KYNU: variants seen among roughly 807,000 people sequenced by gnomAD.
KYNU encodes kynureninase, also known as L-kynurenine hydrolase.
In KYNU, 54 loss-of-function variants were observed where a neutral mutation model predicts 59.2. That is an observed-to-expected ratio of 0.91 (90% CI 0.73 to 1.14). The LOEUF (loss-of-function observed/expected upper bound fraction) is 1.14, where lower values mean the gene tolerates loss of function less well. Ranked by LOEUF, KYNU falls within the 50% of genes most tolerant of loss-of-function variation. The pLI, the probability that KYNU is intolerant of heterozygous loss-of-function variation, is 0.00. For missense variants in KYNU, 567 were observed against 554.4 expected (o/e 1.02, Z -0.23); for synonymous variants, 177 against 192.0 (o/e 0.92, Z 0.65).
intron 2 of KYNU, among the ~76,000 whole-genome samples, chr2:142,902,513 C>T (rs1393009311): frequency 1.3e-5 from 2 of 152,106 alleles, no homozygotes; most frequent in Non-Finnish European, 2.9e-5. Context: ...GCCTGTTATG[C>T]CAAGGAACCT....
chr2:142,970,434 A>G (rs935676158), intron 8 of KYNU, among the ~76,000 whole-genome samples: 8 of 152,208 alleles, frequency 5.3e-5, no homozygotes, highest in African/African-American at 1.9e-4. Context: ...TAGGCCATTC[A>G]TGTTGACACA....
At chr2:142,899,150 G>A (rs6756023) in intron 2 of KYNU, among the ~76,000 whole-genome samples, 82,225 of 151,876 alleles carry the variant, frequency 0.54, 22,934 homozygotes, top group South Asian at 0.69. Flanking sequence ...TAACAAACAC[G>A]GACCAGAAGA....
chr2:143,020,584 A>C (rs1686376111), intron 10 of KYNU, among the ~76,000 whole-genome samples: 1 of 152,196 alleles, frequency 6.6e-6, no homozygotes, highest in Admixed American at 6.5e-5. Flanking sequence ...AGTGCTGATG[A>C]GAAATATGTG....
In KYNU at chr2:142,917,000, C is replaced by T. The variant is rs188810005; in HGVS notation, c.170-1609C>T. On this transcript the variant is annotated intron_variant, in intron 2 of 13. Transcript: ENST00000264170. ...AAAATGTATGCCCTAATTGGCAATA[C>T]CTACTTTAAAGAAAAATGTAATAAT... Among the ~76,000 whole-genome samples the T allele has an allele frequency of 1.5e-3, 224 of 152,198 alleles. 1 individual carries two copies. Among genetic ancestry groups the T allele is most frequent in the Admixed American group, 5.6e-3 (86 of 15,278 alleles).
intron 2 of KYNU, among the ~76,000 whole-genome samples, chr2:142,901,902 G>T (rs1048981570): frequency 6.6e-6 from 1 of 152,274 alleles, no homozygotes; most frequent in South Asian, 2.1e-4. Context: ...AAGGTCCCTC[G>T]AGTGGTATAG....
intron 8 of KYNU, among the ~76,000 whole-genome samples, chr2:142,967,072 A>G (rs1018307287): frequency 4.6e-5 from 7 of 152,130 alleles, no homozygotes; most frequent in Non-Finnish European, 8.8e-5. Flanking sequence ...ACTTACAAAA[A>G]TTTTAATAGT....
intron 8 of KYNU, among the ~76,000 whole-genome samples, chr2:142,969,592 A>G (rs1318937401): frequency 2.6e-5 from 4 of 152,212 alleles, no homozygotes; most frequent in Non-Finnish European, 5.9e-5. Flanking sequence ...TAAGCTTTTG[A>G]TTAAATAGAC....
chr2:143,042,027 G>T lies in KYNU; in HGVS notation c.1273-20G>T, dbSNP rs371502172. ...TGTGAATAATGCTAACATTATTGTG[G>T]CTTTATTTTTTCCCCACAGTGTGAC... is the stretch of plus-strand genomic sequence containing the variant. On this transcript the variant is annotated intron_variant, in intron 13 of 13. Transcript: ENST00000264170. 8.7e-6 allele frequency: 14 copies of T among 1,610,280 alleles called. No homozygotes were observed. In the African/African-American group the frequency reaches 1.6e-4, roughly 18 times the overall value.
rs538109504 is a variant in KYNU, at chr2:143,046,593, A to G, written c.*4421A>G. On this transcript the variant is annotated 3_prime_UTR_variant, in exon 14 of 14. Transcript: ENST00000264170. Reference sequence around the variant, plus strand: ...AGATATGTAGATATATGAAAGCAATATATATATGGATGTCTTTCTGGGCTA... The same window carrying G: ...AGATATGTAGATATATGAAAGCAATGTATATATGGATGTCTTTCTGGGCTA... 1.4e-5 allele frequency: 2 copies of G among 141,856 alleles called. No individual in the cohort carries two copies. The highest frequency in any genetic ancestry group is 2.2e-4 in the South Asian group (1 of 4,476). 8.8% of individuals were successfully genotyped at this position (141,856 alleles called of 1,614,324 possible). A position where few individuals can be genotyped will look rare whatever the true frequency, so the allele number is the denominator to read the frequency against.
chr2:142,968,068 T>TG (rs1371978276), intron 8 of KYNU, among the ~76,000 whole-genome samples: 1 of 152,220 alleles, frequency 6.6e-6, no homozygotes, highest in Non-Finnish European at 1.5e-5. Context: ...CTATTGTCAC[T>TG]GGCCATTCAC....
At chr2:142,908,596 G>A (rs555432949) in intron 2 of KYNU, among the ~76,000 whole-genome samples, 1 of 152,046 alleles carries the variant, frequency 6.6e-6, no homozygotes, top group Non-Finnish European at 1.5e-5. Flanking sequence ...AGCTCCTGAT[G>A]TGATAGACCA....
chr2:143,033,281 C>T lies in KYNU; in HGVS notation c.1001C>T (p.Pro334Leu). The change falls in exon 12 of 14, where the codon CCT becomes CTT. Residue 334 changes from proline to leucine, a missense_variant. Transcript: ENST00000264170. ...GTCTGTGGATTCCGAATTTCAAATC[C>T]TCCCATTTTGTTGGTCTGTTCCTTG... ...PGVCGFRISN[P>L]PILLVCSLHA... is the part of the protein sequence containing the mutation. 6.2e-7 allele frequency: 1 copy of T among 1,613,828 alleles called. No homozygotes were observed. The highest frequency in any genetic ancestry group is 8.5e-7 in the Non-Finnish European group (1 of 1,179,744).
At chr2:143,006,746 C>G (rs1293534076) in intron 10 of KYNU, among the ~76,000 whole-genome samples, 1 of 151,698 alleles carries the variant, frequency 6.6e-6, no homozygotes, top group East Asian at 1.9e-4. Context: ...GGGTTCCTGA[C>G]CCCTGACCCC....
chr2:143,042,235 A>G lies in KYNU; in HGVS notation c.*63A>G. ...AAGCTGCTGTGGTTATTTCAGTATTATTCGATTTTTAATTATTGAAAGTAT... is the reference window on the plus strand; with the variant it reads ...AAGCTGCTGTGGTTATTTCAGTATTGTTCGATTTTTAATTATTGAAAGTAT... On this transcript the variant is annotated 3_prime_UTR_variant, in exon 14 of 14. Transcript: ENST00000264170. The G allele has an allele frequency of 1.3e-6, 2 of 1,501,690 alleles. No individual in the cohort carries two copies. The highest frequency in any genetic ancestry group is 1.8e-6 in the Non-Finnish European group (2 of 1,090,378). 93.0% of individuals were successfully genotyped at this position (1,501,690 alleles called of 1,614,324 possible).
chr2:142,942,278 G>A (rs1025696797), intron 4 of KYNU, among the ~76,000 whole-genome samples: 8 of 151,760 alleles, frequency 5.3e-5, no homozygotes, highest in Non-Finnish European at 1.0e-4. Context: ...GCAGCTTCCC[G>A]TTTTGCCTTG....
At chr2:142,899,594 A>G (rs12473966) in intron 2 of KYNU, among the ~76,000 whole-genome samples, 84,455 of 152,022 alleles carry the variant, frequency 0.56, 24,426 homozygotes, top group African/African-American at 0.7. Flanking sequence ...GGGTCGTGCA[A>G]TTGAGATTTC....
At chr2:142,986,310 A>AT (rs1558960447) in intron 10 of KYNU, among the ~76,000 whole-genome samples, 1 of 151,364 alleles carries the variant, frequency 6.6e-6, no homozygotes, top group African/African-American at 2.4e-5. Context: ...CCACTTGAAT[A>AT]TTTTTTTTCA....
chr2:142,903,071 T>A (rs1252680559), intron 2 of KYNU, among the ~76,000 whole-genome samples: 1 of 152,130 alleles, frequency 6.6e-6, no homozygotes, highest in Admixed American at 6.5e-5. Flanking sequence ...AATCCTGACA[T>A]CTTGTACTAA....
intron 4 of KYNU, among the ~76,000 whole-genome samples, chr2:142,950,663 C>T (rs1018762203): frequency 1.5e-4 from 23 of 152,216 alleles, no homozygotes; most frequent in Admixed American, 1.3e-4. Context: ...TGAGTGGGGA[C>T]ACAGCCAAAC....
Sources: allele counts gnomAD v4.1 joint callset (sites outside exome capture counted in the v4.1 genomes callset), GRCh38; gene constraint gnomAD v4.1.1; transcripts MANE v1.5; gene names NCBI Gene and HGNC (gene_info 2026-07-23, HGNC 2026-07-21).